The following CACNA2D1 variants were observed in gnomAD, a reference collection of about 807,000 sequenced individuals.
CACNA2D1 encodes calcium voltage-gated channel auxiliary subunit alpha2delta 1.
Under a neutral mutation model 171.5 loss-of-function variants are expected in CACNA2D1, and 53 were observed. The observed-to-expected ratio is 0.31, with a 90% CI of 0.25 to 0.39. CACNA2D1 has a LOEUF of 0.39. Ranked by LOEUF, CACNA2D1 falls within the 10% of genes least tolerant of loss-of-function variation. CACNA2D1 has a pLI of 1.00. For synonymous variants in CACNA2D1, 442 were observed against 443.1 expected (o/e 1.00, Z 0.03); for missense variants, 903 against 1,299.8 (o/e 0.69, Z 4.69).
At position 82,099,422 on chromosome 7, in the gene CACNA2D1, C is replaced by CTTTTTTTTTTTTTTTT. The variant is rs932080938; in HGVS notation, c.527-14538_527-14523dup. On this transcript the variant is annotated intron_variant, in intron 6 of 38. Coordinates refer to ENST00000356860, the MANE Select transcript of CACNA2D1 (RefSeq NM_000722.4). ...ACTCTAAAACAGGTAGCAATACCTT[C>CTTTTTTTTTTTTTTTT]TTTTTTTTTTTTTTTTTTTTTTTTT... Among the ~76,000 whole-genome samples the CTTTTTTTTTTTTTTTT allele has an allele frequency of 3.2e-4, 13 of 40,282 alleles. 1 individual carries two copies. The highest frequency in any genetic ancestry group is 8.7e-4 in the South Asian group (1 of 1,146). 26.4% of individuals were successfully genotyped at this position (40,282 alleles called of 152,430 possible). A position where few individuals can be genotyped will look rare whatever the true frequency, so the allele number is the denominator to read the frequency against.
intron 3 of CACNA2D1, among the ~76,000 whole-genome samples, chr7:82,190,465 C>A (rs1798179926): frequency 6.6e-6 from 1 of 151,718 alleles, no homozygotes; most frequent in Non-Finnish European, 1.5e-5. Flanking sequence ...AATGAGGATT[C>A]AGCTTCATTA....
chr7:82,050,675 T>C (rs1805094056), intron 10 of CACNA2D1: 1 of 700,812 alleles, frequency 1.4e-6, no homozygotes, highest in Non-Finnish European at 2.6e-6. Context: ...ATGCTTAGAC[T>C]TAAATGTGAA....
At chr7:82,039,259 AT>A (rs542737519) in intron 10 of CACNA2D1, among the ~76,000 whole-genome samples, 1 of 87,402 alleles carries the variant, frequency 1.1e-5, no homozygotes, top group Non-Finnish European at 2.5e-5. Flanking sequence ...ATAATTCATC[AT>A]TTTTTTCTCT....
intron 4 of CACNA2D1, among the ~76,000 whole-genome samples, chr7:82,168,206 T>C (rs934638594): frequency 5.3e-5 from 8 of 152,052 alleles, no homozygotes; most frequent in African/African-American, 1.9e-4. Flanking sequence ...TACAGTGTCA[T>C]GATCTTGGCT....
intron 38 of CACNA2D1, among the ~76,000 whole-genome samples, chr7:81,955,905 T>TGGGG (rs59823054): frequency 7.4e-5 from 4 of 53,948 alleles, no homozygotes; most frequent in Non-Finnish European, 1.4e-4. Context: ...GTTATTTTGG[T>TGGGG]GGGGGGGGGG....
chr7:82,371,184 T>A (rs1005683570), intron 1 of CACNA2D1, among the ~76,000 whole-genome samples: 1 of 152,188 alleles, frequency 6.6e-6, no homozygotes, highest in African/African-American at 2.4e-5. Flanking sequence ...AATAGAAATA[T>A]TAAAGGCTAA....
At chr7:82,429,567 A>G (rs145167833) in intron 1 of CACNA2D1, among the ~76,000 whole-genome samples, 3,122 of 152,266 alleles carry the variant, frequency 0.021, 106 homozygotes, top group East Asian at 0.11. Flanking sequence ...TGTCACAGTC[A>G]TGTACAGCCG....
chr7:81,998,107 G>T (rs1798233886), intron 18 of CACNA2D1, among the ~76,000 whole-genome samples: 1 of 151,780 alleles, frequency 6.6e-6, no homozygotes, highest in South Asian at 2.1e-4. Context: ...AAGATTCATT[G>T]AACTATTTGA....
At chr7:82,024,861 T>C (rs1166422617) in intron 12 of CACNA2D1, among the ~76,000 whole-genome samples, 8 of 151,672 alleles carry the variant, frequency 5.3e-5, no homozygotes, top group South Asian at 2.1e-4. Flanking sequence ...TTTATTTGCA[T>C]GTCAATATTC....
intron 3 of CACNA2D1, among the ~76,000 whole-genome samples, chr7:82,301,071 G>A (rs536472271): frequency 6.6e-6 from 1 of 152,194 alleles, no homozygotes; most frequent in South Asian, 2.1e-4. Flanking sequence ...AAGTTGAGAT[G>A]GTAAGAATGT....
chr7:82,437,218 A>G (rs1194833169), intron 1 of CACNA2D1, among the ~76,000 whole-genome samples: 1 of 152,132 alleles, frequency 6.6e-6, no homozygotes. Flanking sequence ...GTTATGGTTA[A>G]TAGTAATTAT....
intron 12 of CACNA2D1, among the ~76,000 whole-genome samples, chr7:82,020,438 ATAT>A (rs1197042904): frequency 6.6e-6 from 1 of 152,108 alleles, no homozygotes; most frequent in Non-Finnish European, 1.5e-5. Context: ...GGTGATGATG[ATAT>A]TATTATTATA....
intron 3 of CACNA2D1, among the ~76,000 whole-genome samples, chr7:82,195,321 G>C (rs888925985): frequency 4.6e-5 from 7 of 151,788 alleles, no homozygotes; most frequent in Admixed American, 1.3e-4. Flanking sequence ...AAAATGGGGT[G>C]GGATATGGTA....
At position 82,134,449 on chromosome 7, in the gene CACNA2D1, G is replaced by C. The variant is rs545673902; in HGVS notation, c.396+2186C>G. On this transcript the variant is annotated intron_variant, in intron 5 of 38. Coordinates refer to ENST00000356860, the MANE Select transcript of CACNA2D1 (RefSeq NM_000722.4). The stretch of plus-strand genomic sequence containing the variant: ...ATGAATTATTCTGATTCCTATTCTA[G>C]TTCAGTTTGCACGAAACAACACTCT... Among the ~76,000 whole-genome samples, 8 of 152,212 alleles carry C rather than the reference G, an allele frequency of 5.3e-5. No homozygotes were observed. In the South Asian group the frequency reaches 1.4e-3, roughly 28 times the overall value.
chr7:82,345,848 C>T (rs968512997), intron 2 of CACNA2D1, among the ~76,000 whole-genome samples: 4 of 152,122 alleles, frequency 2.6e-5, no homozygotes, highest in African/African-American at 9.7e-5. Flanking sequence ...GCTTCCATCT[C>T]TGTTAATACA....
intron 6 of CACNA2D1, among the ~76,000 whole-genome samples, chr7:82,103,225 G>A (rs1178103015): frequency 4.6e-5 from 7 of 152,124 alleles, no homozygotes; most frequent in East Asian, 1.9e-4. Flanking sequence ...AGAGAATCGC[G>A]TGAACCAGGA....
intron 3 of CACNA2D1, among the ~76,000 whole-genome samples, chr7:82,332,748 C>A (rs774713750): frequency 6.6e-6 from 1 of 152,116 alleles, no homozygotes; most frequent in Non-Finnish European, 1.5e-5. Flanking sequence ...GCCTGAAATC[C>A]CAGCACTTTG....
At chr7:82,368,650 AAAAAT>A (rs1452190910) in intron 1 of CACNA2D1, among the ~76,000 whole-genome samples, 2 of 152,204 alleles carry the variant, frequency 1.3e-5, no homozygotes, top group Non-Finnish European at 2.9e-5. Context: ...TTATTGAACA[AAAAAT>A]AAAAGTAAAT....
intron 1 of CACNA2D1, among the ~76,000 whole-genome samples, chr7:82,393,291 G>A (rs1305491396): frequency 6.6e-6 from 1 of 152,054 alleles, no homozygotes. Flanking sequence ...CTTGCAATAG[G>A]GAAACATTGA....
Sources: allele counts gnomAD v4.1 joint callset (sites outside exome capture counted in the v4.1 genomes callset), GRCh38; gene constraint gnomAD v4.1.1; transcripts MANE v1.5; gene names NCBI Gene and HGNC (gene_info 2026-07-23, HGNC 2026-07-21).